Variants in ANXA10 observed in about 807,000 individuals in gnomAD.
ANXA10 encodes the protein annexin A10.
A neutral mutation model predicts 53.5 loss-of-function variants in ANXA10; 49 were observed. The observed-to-expected ratio is 0.92, with a 90% confidence interval of 0.73 to 1.16. The LOEUF (loss-of-function observed/expected upper bound fraction) is 1.16, where lower values mean the gene tolerates loss of function less well. Among genes scored for constraint, ANXA10 ranks in the 50% most tolerant of loss-of-function variants. The pLI, the probability that ANXA10 is intolerant of heterozygous loss-of-function variation, is 0.00. For synonymous variants in ANXA10, 131 were observed against 128.9 expected (o/e 1.02, Z -0.11); for missense variants, 393 against 394.4 (o/e 1.00, Z 0.03).
intron 3 of ANXA10, among the ~76,000 whole-genome samples, chr4:168,142,230 A>G (rs1036102759): frequency 6.6e-6 from 1 of 152,008 alleles, no homozygotes; most frequent in African/African-American, 2.4e-5. Context: ...CTGCCTACAC[A>G]TATTCCTACA....
At chr4:168,166,107 T>C (rs2149477907) in intron 6 of ANXA10, among the ~76,000 whole-genome samples, 1 of 152,340 alleles carries the variant, frequency 6.6e-6, no homozygotes, top group East Asian at 1.9e-4. Flanking sequence ...CAAAACACTA[T>C]AATACAAATA....
At chr4:168,110,188 G>C (rs775130530) in intron 1 of ANXA10, among the ~76,000 whole-genome samples, 2 of 152,036 alleles carry the variant, frequency 1.3e-5, no homozygotes, top group African/African-American at 2.4e-5. Context: ...ACTCCAGCCT[G>C]GGCGACAGAG....
At chr4:168,184,818 C>T in intron 11 of ANXA10, 137 bp downstream of exon 11, 1 of 1,162,706 alleles carries the variant, frequency 8.6e-7, no homozygotes, top group Non-Finnish European at 1.2e-6. Context: ...AGTTTTTTTC[C>T]TCTACACAGT....
chr4:168,170,136 G>A (rs746701190), intron 6 of ANXA10, among the ~76,000 whole-genome samples: 11 of 151,854 alleles, frequency 7.2e-5, no homozygotes, highest in Non-Finnish European at 1.6e-4. Context: ...ATATAATATC[G>A]TTTGTGTAGA....
chr4:168,122,419 A>G (rs1014372056), intron 1 of ANXA10, among the ~76,000 whole-genome samples: 1 of 152,396 alleles, frequency 6.6e-6, no homozygotes, highest in Non-Finnish European at 1.5e-5. Flanking sequence ...ACTCTGTACT[A>G]TAGAACTAAA....
chr4:168,128,019 C>T (rs1281548328), intron 1 of ANXA10, 65 bp from the exon 2 acceptor site: 20 of 1,448,732 alleles, frequency 1.4e-5, no homozygotes, highest in Middle Eastern at 1.7e-4. Context: ...CCACTGTGCC[C>T]GGCCACAATG....
intron 9 of ANXA10, 69 bp from the exon 10 acceptor site, chr4:168,181,614 T>C: frequency 8.1e-7 from 1 of 1,239,044 alleles, no homozygotes; most frequent in Non-Finnish European, 1.2e-6. Context: ...TGTTATTGTT[T>C]CTCAAATTCT....
At chr4:168,186,477 G>C (rs754783903) in intron 11 of ANXA10, among the ~76,000 whole-genome samples, 1 of 152,206 alleles carries the variant, frequency 6.6e-6, no homozygotes, top group Non-Finnish European at 1.5e-5. Flanking sequence ...TGGAGCCCAT[G>C]AATGGGATTA....
intron 3 of ANXA10, among the ~76,000 whole-genome samples, chr4:168,140,110 A>C (rs1731302501): frequency 6.6e-6 from 1 of 152,234 alleles, no homozygotes; most frequent in East Asian, 1.9e-4. Context: ...AGTTTAAGGC[A>C]ATAAAACTAT....
At chr4:168,157,363 G>T (rs894805961) in intron 3 of ANXA10, among the ~76,000 whole-genome samples, 1 of 151,998 alleles carries the variant, frequency 6.6e-6, no homozygotes, top group Non-Finnish European at 1.5e-5. Flanking sequence ...CGCCACCCAG[G>T]TTCCAGTGAT....
At chr4:168,186,797 C>T (rs956919163) in intron 11 of ANXA10, among the ~76,000 whole-genome samples, 1 of 151,988 alleles carries the variant, frequency 6.6e-6, no homozygotes, top group African/African-American at 2.4e-5. Flanking sequence ...TGGTATTCTG[C>T]TGTATAAGCT....
At chr4:168,184,744 A>T in intron 11 of ANXA10, 63 bp downstream of exon 11, 1 of 1,589,970 alleles carries the variant, frequency 6.3e-7, no homozygotes. Context: ...CTGAGATAAA[A>T]GTTCTCATTC....
chr4:168,129,097 A>G (rs970298804), intron 2 of ANXA10, among the ~76,000 whole-genome samples: 1 of 152,154 alleles, frequency 6.6e-6, no homozygotes, highest in Admixed American at 6.6e-5. Context: ...AAGGCATGCA[A>G]AAACTTTCAT....
At chr4:168,108,036 T>C (rs1730745394) in intron 1 of ANXA10, among the ~76,000 whole-genome samples, 1 of 152,180 alleles carries the variant, frequency 6.6e-6, no homozygotes, top group Non-Finnish European at 1.5e-5. Context: ...TCATTCCCCT[T>C]TTTAGACCAT....
At chr4:168,122,987 G>A (rs906354161) in intron 1 of ANXA10, among the ~76,000 whole-genome samples, 3 of 152,204 alleles carry the variant, frequency 2.0e-5, no homozygotes, top group Admixed American at 1.3e-4. Context: ...TTGAAAAGTC[G>A]AAGTCAGAAA....
Position 168,146,066 on chromosome 4 carries a change from G to A in ANXA10, c.195+6486G>A, listed in dbSNP as rs954909250. Among the ~76,000 whole-genome samples the A allele has an allele frequency of 3.3e-5, 5 of 152,002 alleles. No homozygotes were observed. In the East Asian group the frequency reaches 5.8e-4, roughly 18 times the overall value. On this transcript the variant is annotated intron_variant, in intron 3 of 11. Coordinates refer to ENST00000359299, the MANE Select transcript of ANXA10 (RefSeq NM_007193.5). ...TGGGATTACAGGTGCATGCCACCAC[G>A]CCCAGCTAATTTTTGTATTCTCAGT...
chr4:168,187,232 A>G (rs1455971457), intron 11 of ANXA10, 134 bp from the exon 12 acceptor site: 2 of 462,488 alleles, frequency 4.3e-6, no homozygotes, highest in Non-Finnish European at 7.5e-6. Context: ...TTAAACCTTT[A>G]GATGAGAAAA....
chr4:168,127,718 A>C (rs1047294903), intron 1 of ANXA10: 31 of 473,584 alleles, frequency 6.5e-5, no homozygotes, highest in Admixed American at 6.4e-4. Flanking sequence ...ACACACAAGT[A>C]AGGCGTTTGT....
chr4:168,148,181 T>A (rs1731435527), intron 3 of ANXA10, among the ~76,000 whole-genome samples: 2 of 152,040 alleles, frequency 1.3e-5, no homozygotes, highest in Non-Finnish European at 2.9e-5. Flanking sequence ...ACAATTTTTT[T>A]TTTTTTTTTG....
Sources: allele counts gnomAD v4.1 joint callset (sites outside exome capture counted in the v4.1 genomes callset), GRCh38; gene constraint gnomAD v4.1.1; transcripts MANE v1.5; gene names NCBI Gene and HGNC (gene_info 2026-07-23, HGNC 2026-07-21).